The following ARB2A variants were observed in gnomAD, a reference collection of about 807,000 sequenced individuals.
The protein encoded by ARB2A is ARB2 cotranscriptional regulator A.
the ARB2A span, among the ~76,000 whole-genome samples, chr5:93,851,100 T>G: frequency 6.6e-6 from 1 of 152,188 alleles, no homozygotes; most frequent in Non-Finnish European, 1.5e-5. Context: ...AGTATTTTTA[T>G]ATTTCAGGGA....
At chr5:93,683,636 C>T in the ARB2A span, 64 of 1,553,042 alleles carry the variant, frequency 4.1e-5, no homozygotes, top group Non-Finnish European at 5.5e-5. Flanking sequence ...AAGTGATCAT[C>T]TTTGTCGGCC....
At chr5:93,740,569 C>A in the ARB2A span, 2 of 1,585,794 alleles carry the variant, frequency 1.3e-6, no homozygotes, top group Non-Finnish European at 8.6e-7. Context: ...AGGGCAAGCC[C>A]CTCAGCCCTA....
At chr5:94,067,289 G>C in the ARB2A span, among the ~76,000 whole-genome samples, 1 of 152,112 alleles carries the variant, frequency 6.6e-6, no homozygotes, top group African/African-American at 2.4e-5. Context: ...ACAACACAAG[G>C]ATGCCCACTT....
the ARB2A span, among the ~76,000 whole-genome samples, chr5:93,829,926 G>A: frequency 1.3e-5 from 2 of 152,156 alleles, no homozygotes; most frequent in Admixed American, 6.5e-5. Flanking sequence ...TGTCTGCTTT[G>A]ATAGTTACAC....
chr5:94,109,955 G>T, the ARB2A span, among the ~76,000 whole-genome samples: 13 of 145,930 alleles, frequency 8.9e-5, no homozygotes, highest in Admixed American at 5.6e-4. Flanking sequence ...CATGATGTCG[G>T]CTCACTGCAA....
chr5:93,965,591 A>T, the ARB2A span, among the ~76,000 whole-genome samples: 5 of 152,096 alleles, frequency 3.3e-5, no homozygotes, highest in African/African-American at 1.2e-4. Context: ...GTAAGGAAAC[A>T]GACACCTGGA....
the ARB2A span, among the ~76,000 whole-genome samples, chr5:94,107,938 T>C: frequency 6.6e-6 from 1 of 152,310 alleles, no homozygotes; most frequent in East Asian, 1.9e-4. Flanking sequence ...CTGTAGAGCA[T>C]AGCTCTATAT....
the ARB2A span, among the ~76,000 whole-genome samples, chr5:93,732,345 A>G: frequency 6.6e-6 from 1 of 152,198 alleles, no homozygotes. Flanking sequence ...AGAAGATTCT[A>G]CTGTGTTAAA....
chr5:94,057,253 T>C, the ARB2A span, among the ~76,000 whole-genome samples: 1 of 152,178 alleles, frequency 6.6e-6, no homozygotes, highest in African/African-American at 2.4e-5. Context: ...CTTGAAGATA[T>C]TATGCAAAGT....
the ARB2A span, among the ~76,000 whole-genome samples, chr5:94,038,810 A>G: frequency 7.2e-6 from 1 of 138,666 alleles, no homozygotes; most frequent in Non-Finnish European, 1.6e-5. Context: ...GGAAAATACT[A>G]AAAAAAAAAA....
At chr5:94,025,492 T>C in the ARB2A span, among the ~76,000 whole-genome samples, 1 of 152,180 alleles carries the variant, frequency 6.6e-6, no homozygotes, top group Non-Finnish European at 1.5e-5. Flanking sequence ...TACAATAGCA[T>C]TGGAGGTTAA....
chr5:93,684,684 T>A, the ARB2A span, among the ~76,000 whole-genome samples: 7 of 152,206 alleles, frequency 4.6e-5, no homozygotes, highest in Non-Finnish European at 1.0e-4. Context: ...TTTTAAGAGA[T>A]CCAGTCACAC....
chr5:93,906,284 A>AT, the ARB2A span, among the ~76,000 whole-genome samples: 23 of 150,930 alleles, frequency 1.5e-4, no homozygotes, highest in East Asian at 3.9e-4. Flanking sequence ...ACCATCAGTG[A>AT]TTTTTTTTTA....
At chr5:93,686,764 T>A in the ARB2A span, among the ~76,000 whole-genome samples, 1 of 152,106 alleles carries the variant, frequency 6.6e-6, no homozygotes, top group African/African-American at 2.4e-5. Context: ...AAACAAATCA[T>A]CATCAACCAC....
the ARB2A span, among the ~76,000 whole-genome samples, chr5:93,850,506 G>A: frequency 3.3e-5 from 5 of 152,102 alleles, no homozygotes; most frequent in Non-Finnish European, 5.9e-5. Context: ...CAGGGGGCCC[G>A]TGCACACTGG....
the ARB2A span, among the ~76,000 whole-genome samples, chr5:93,948,264 T>G: frequency 1.3e-5 from 2 of 152,236 alleles, no homozygotes; most frequent in East Asian, 3.8e-4. Context: ...TGATGGCCAG[T>G]GATGATGAGC....
At chr5:93,840,136 T>G in the ARB2A span, among the ~76,000 whole-genome samples, 1 of 152,166 alleles carries the variant, frequency 6.6e-6, no homozygotes, top group Admixed American at 6.6e-5. Flanking sequence ...ATGTGGGTAT[T>G]TAGTGCTATA....
the ARB2A span, among the ~76,000 whole-genome samples, chr5:93,803,622 G>A: frequency 8.0e-5 from 12 of 149,872 alleles, no homozygotes. Context: ...CTAGGCTTAA[G>A]ACCTTGTGAT....
chr5:93,888,015 T>C, the ARB2A span, among the ~76,000 whole-genome samples: 1 of 151,876 alleles, frequency 6.6e-6, no homozygotes, highest in African/African-American at 2.4e-5. Flanking sequence ...CACACACCCT[T>C]GTCTCCAGTT....
Sources: allele counts gnomAD v4.1 joint callset (sites outside exome capture counted in the v4.1 genomes callset), GRCh38; gene constraint gnomAD v4.1.1; transcripts MANE v1.5; gene names NCBI Gene and HGNC (gene_info 2026-07-23, HGNC 2026-07-21).